The following TSPAN9 variants were observed in gnomAD, a reference collection of about 807,000 sequenced individuals.
TSPAN9 encodes the protein tetraspanin-9.
Under a neutral mutation model 31.0 loss-of-function variants are expected in TSPAN9, and 16 were observed. That is an observed-to-expected ratio of 0.52 (90% confidence interval 0.35 to 0.78). The LOEUF (loss-of-function observed/expected upper bound fraction) is 0.78, where lower values mean the gene tolerates loss of function less well. Ranked by LOEUF, TSPAN9 falls within the 30% of genes least tolerant of loss-of-function variation. TSPAN9 has a pLI of 0.01. For synonymous variants in TSPAN9, 145 were observed against 121.6 expected (o/e 1.19, Z -1.27); for missense variants, 272 against 312.5 (o/e 0.87, Z 0.98).
chr12:3,082,986 A>G (rs2098298676), intron 1 of TSPAN9, among the ~76,000 whole-genome samples: 1 of 152,212 alleles, frequency 6.6e-6, no homozygotes, highest in Admixed American at 6.5e-5. Context: ...TTGTATCCAC[A>G]GCAATATTTG....
intron 2 of TSPAN9, among the ~76,000 whole-genome samples, chr12:3,096,695 C>CTT (rs200239116): frequency 3.3e-5 from 5 of 149,584 alleles, no homozygotes; most frequent in Non-Finnish European, 6.0e-5. Flanking sequence ...ATCTTTCTTT[C>CTT]TTTCTTTTTT....
intron 2 of TSPAN9, among the ~76,000 whole-genome samples, chr12:3,089,211 G>T (rs1474149462): frequency 6.8e-6 from 1 of 147,066 alleles, no homozygotes; most frequent in African/African-American, 2.5e-5. Context: ...CAGCCTGGGT[G>T]ACAGAGCGAG....
At chr12:3,164,434 A>G (rs1035679252) in intron 2 of TSPAN9, among the ~76,000 whole-genome samples, 1 of 152,194 alleles carries the variant, frequency 6.6e-6, no homozygotes, top group East Asian at 1.9e-4. Context: ...ATCATCCTTG[A>G]TTTGAAATAA....
intron 2 of TSPAN9, among the ~76,000 whole-genome samples, chr12:3,108,516 T>C (rs1160429582): frequency 1.3e-5 from 2 of 152,234 alleles, no homozygotes; most frequent in African/African-American, 4.8e-5. Flanking sequence ...AGTGTTCTGC[T>C]GTGTCACACA....
At chr12:3,249,639 T>A (rs678022) in intron 3 of TSPAN9, among the ~76,000 whole-genome samples, 3 of 152,142 alleles carry the variant, frequency 2.0e-5, no homozygotes, top group Non-Finnish European at 4.4e-5. Flanking sequence ...AGGGCTGCTC[T>A]CCGAGCACCT....
intron 3 of TSPAN9, among the ~76,000 whole-genome samples, chr12:3,222,932 G>A (rs936647892): frequency 6.6e-6 from 1 of 152,094 alleles, no homozygotes. Context: ...ATCCAGACCC[G>A]GGGAGCCATC....
At chr12:3,179,664 T>C (rs1466437868) in intron 2 of TSPAN9, among the ~76,000 whole-genome samples, 1 of 152,182 alleles carries the variant, frequency 6.6e-6, no homozygotes, top group East Asian at 1.9e-4. Flanking sequence ...ACATCATGCA[T>C]TTTTTTAAAC....
At chr12:3,252,730 C>T (rs765890550) in intron 3 of TSPAN9, among the ~76,000 whole-genome samples, 3 of 152,224 alleles carry the variant, frequency 2.0e-5, no homozygotes, top group Admixed American at 6.5e-5. Context: ...GGCAGGCATC[C>T]GTGTGGCCTA....
rs1399191199 is a variant in TSPAN9, at chr12:3,147,167, G to C, written c.-17-54010G>C. Among the ~76,000 whole-genome samples the C allele has an allele frequency of 6.6e-6, 1 of 152,128 alleles. No individual in the cohort carries two copies. ...TTTGAGTTTAGGGTGGAGACTGGAAGCAGGGGAGCCCTGGCCCTCTGCAGG... is the reference window on the plus strand; with the variant it reads ...TTTGAGTTTAGGGTGGAGACTGGAACCAGGGGAGCCCTGGCCCTCTGCAGG... On this transcript the variant is annotated intron_variant, in intron 2 of 8. Coordinates refer to ENST00000011898, the MANE Select transcript of TSPAN9 (RefSeq NM_006675.5). This position sits in a 1 kb window ranked among gnomAD's most constrained non-coding sequence, Gnocchi z 4.3.
chr12:3,141,676 A>G (rs1355240641), intron 2 of TSPAN9, among the ~76,000 whole-genome samples: 1 of 152,108 alleles, frequency 6.6e-6, no homozygotes, highest in Admixed American at 6.5e-5. Flanking sequence ...GTGGCACCCC[A>G]GAGGCTGGGC....
rs1862972803 is a variant in TSPAN9, at chr12:3,284,513, A to G, written c.*1397A>G. ...GGAGAAGAAATACAGAAAACCCAAG[A>G]GAGGTCAGACTGGCTCTTGTTACCG... On this transcript the variant is annotated 3_prime_UTR_variant, in exon 9 of 9. Transcript: ENST00000011898. 6.5e-6 allele frequency: 1 copy of G among 152,758 alleles called. No homozygotes were observed. The highest frequency in any genetic ancestry group is 1.5e-5 in the Non-Finnish European group (1 of 68,088). The allele number at this position is 152,758 out of a possible 1,614,324, so 9.5% of individuals were successfully genotyped here.
chr12:3,197,344 A>C (rs1015242964), intron 2 of TSPAN9, among the ~76,000 whole-genome samples: 1 of 152,120 alleles, frequency 6.6e-6, no homozygotes, highest in Admixed American at 6.5e-5. Flanking sequence ...GGCATTAGCC[A>C]TGCCAGTCAG....
intron 2 of TSPAN9, among the ~76,000 whole-genome samples, chr12:3,171,101 C>T (rs1273918770): frequency 2.0e-5 from 3 of 152,192 alleles, no homozygotes; most frequent in Non-Finnish European, 4.4e-5. Context: ...CAGCACATCT[C>T]CCTGCTGCTG....
intron 2 of TSPAN9, among the ~76,000 whole-genome samples, chr12:3,100,858 T>C (rs950318040): frequency 1.3e-5 from 2 of 152,252 alleles, no homozygotes; most frequent in Non-Finnish European, 2.9e-5. Flanking sequence ...TTTCTCATTA[T>C]CCCTTGTACC....
At chr12:3,142,827 G>A (rs376274951) in intron 2 of TSPAN9, among the ~76,000 whole-genome samples, 3 of 152,196 alleles carry the variant, frequency 2.0e-5, no homozygotes, top group Non-Finnish European at 2.9e-5. Context: ...TTGGAATAGC[G>A]TTATTAACAA....
chr12:3,096,056 C>T (rs995914180), intron 2 of TSPAN9, among the ~76,000 whole-genome samples: 3 of 151,954 alleles, frequency 2.0e-5, no homozygotes, highest in South Asian at 2.1e-4. Flanking sequence ...GCGGCGCTCC[C>T]GGCGCGGCGG....
chr12:3,276,811 T>C (rs1469518806), intron 3 of TSPAN9, among the ~76,000 whole-genome samples: 1 of 152,146 alleles, frequency 6.6e-6, no homozygotes, highest in African/African-American at 2.4e-5. Flanking sequence ...GGCCTGGCAC[T>C]GAATACGCAG....
At chr12:3,183,836 AC>A (rs1258532499) in intron 2 of TSPAN9, among the ~76,000 whole-genome samples, 1 of 152,190 alleles carries the variant, frequency 6.6e-6, no homozygotes, top group Non-Finnish European at 1.5e-5. Context: ...GGTGTGTGCC[AC>A]TTCACCTTTG....
chr12:3,204,429 G>A lies in TSPAN9; in HGVS notation c.63+3173G>A, dbSNP rs529754335. 1.3e-3 allele frequency among the ~76,000 whole-genome samples: 197 copies of A among 152,304 alleles called. 1 individual carries two copies. The highest frequency in any genetic ancestry group is 4.2e-3 in the African/African-American group (176 of 41,560). ...GGCTGGGTGACATCACTGGGGGTAGGTTGGCAGGTGGAGCCACACAGCCCA... is the reference window on the plus strand; with the variant it reads ...GGCTGGGTGACATCACTGGGGGTAGATTGGCAGGTGGAGCCACACAGCCCA... On this transcript the variant is annotated intron_variant, in intron 3 of 8. Coordinates refer to ENST00000011898, the MANE Select transcript of TSPAN9 (RefSeq NM_006675.5).
Sources: gnomAD v4.1 joint callset for allele counts (sites outside exome capture counted in the v4.1 genomes callset) on GRCh38, gnomAD v4.1.1 for gene constraint, Gnocchi (gnomAD v3.1) non-coding constraint, MANE v1.5 for transcripts, NCBI Gene and HGNC (gene_info 2026-07-23, HGNC 2026-07-21) for gene names.